The following MTHFD2L variants were observed in gnomAD, a reference collection of about 807,000 sequenced individuals.
MTHFD2L encodes methylenetetrahydrofolate dehydrogenase (NADP+ dependent) 2 like.
In MTHFD2L, 29 loss-of-function variants were observed where a neutral mutation model predicts 34.9. The observed-to-expected ratio is 0.83, with a 90% CI of 0.62 to 1.13. The LOEUF is 1.13. Ranked by LOEUF, MTHFD2L falls within the 50% of genes most tolerant of loss-of-function variation. The pLI is 0.00. For synonymous variants in MTHFD2L, 167 were observed against 155.7 expected, an observed-to-expected ratio of 1.07 and a Z score of -0.54; for missense variants, 481 against 446.5, an observed-to-expected ratio of 1.08 and a Z score of -0.70.
chr4:74,137,608 G>A (rs114957689), intron 1 of MTHFD2L, among the ~76,000 whole-genome samples: 3,686 of 152,166 alleles, frequency 0.024, 53 homozygotes, highest in Middle Eastern at 0.058. Context: ...TTTCACTACT[G>A]GGTATATACA....
At chr4:74,175,005 C>CTAA (rs1667889272) in intron 2 of MTHFD2L, among the ~76,000 whole-genome samples, 1 of 152,120 alleles carries the variant, frequency 6.6e-6, no homozygotes, top group Non-Finnish European at 1.5e-5. Flanking sequence ...TAAACTTGGC[C>CTAA]TAATAGTTGC....
chr4:74,267,915 G>A, intron 6 of MTHFD2L: 1 of 985,294 alleles, frequency 1.0e-6, no homozygotes, highest in South Asian at 4.7e-5. Context: ...AGCCCTACTG[G>A]CCCTGAGCTC....
chr4:74,283,367 A>G (rs1241504573), intron 7 of MTHFD2L, among the ~76,000 whole-genome samples: 2 of 152,146 alleles, frequency 1.3e-5, no homozygotes, highest in Non-Finnish European at 2.9e-5. Context: ...TTAGTAGCAC[A>G]TATACTCACT....
At chr4:74,125,074 A>T (rs891986426), upstream of MTHFD2L, among the ~76,000 whole-genome samples, 2 of 152,172 alleles carry the variant, frequency 1.3e-5, no homozygotes. Context: ...TCTAAAACAC[A>T]TTGTGGGGAG....
intron 1 of MTHFD2L, among the ~76,000 whole-genome samples, chr4:74,172,354 A>C (rs927710770): frequency 2.0e-5 from 3 of 152,226 alleles, no homozygotes; most frequent in African/African-American, 7.2e-5. Flanking sequence ...ATTATACTGA[A>C]TAAATCTTTT....
intron 1 of MTHFD2L, among the ~76,000 whole-genome samples, chr4:74,171,118 TAAAGTA>T (rs1727878955): frequency 6.6e-6 from 1 of 151,782 alleles, no homozygotes; most frequent in Non-Finnish European, 1.5e-5. Context: ...CCCTAAAACT[TAAAGTA>T]TAATAATAAT....
intron 6 of MTHFD2L, among the ~76,000 whole-genome samples, chr4:74,246,700 C>T (rs555362479): frequency 2.2e-4 from 33 of 152,100 alleles, no homozygotes; most frequent in African/African-American, 6.7e-4. Flanking sequence ...TACATATGGC[C>T]AGCCAGTTTT....
intron 6 of MTHFD2L, among the ~76,000 whole-genome samples, chr4:74,262,948 G>A (rs1374347778): frequency 6.6e-6 from 1 of 151,856 alleles, no homozygotes; most frequent in East Asian, 1.9e-4. Context: ...ATAATTGAAA[G>A]CAGCTAAAAC....
chr4:74,243,391 G>A (rs1162099724), intron 6 of MTHFD2L, among the ~76,000 whole-genome samples: 1 of 152,110 alleles, frequency 6.6e-6, no homozygotes, highest in African/African-American at 2.4e-5. Context: ...GCTAAATGGG[G>A]TGGGATTGTT....
At chr4:74,231,781 A>C (rs1371841316) in intron 6 of MTHFD2L, among the ~76,000 whole-genome samples, 1 of 152,198 alleles carries the variant, frequency 6.6e-6, no homozygotes, top group African/African-American at 2.4e-5. Context: ...AGCGATGTCT[A>C]CTTTATATTT....
chr4:74,211,871 T>C (rs954761719), intron 5 of MTHFD2L, among the ~76,000 whole-genome samples: 1 of 152,150 alleles, frequency 6.6e-6, no homozygotes, highest in African/African-American at 2.4e-5. Context: ...GAACTTGTTA[T>C]TGGTCTATTG....
At chr4:74,149,307 GT>G (rs1487030567) in intron 1 of MTHFD2L, among the ~76,000 whole-genome samples, 1 of 151,756 alleles carries the variant, frequency 6.6e-6, no homozygotes, top group East Asian at 1.9e-4. Flanking sequence ...TACCTACAGT[GT>G]TTTCTGTTTC....
At chr4:74,263,750 A>T (rs1232662038) in intron 6 of MTHFD2L, among the ~76,000 whole-genome samples, 5 of 151,980 alleles carry the variant, frequency 3.3e-5, no homozygotes, top group Non-Finnish European at 1.5e-5. Flanking sequence ...GGTTTTCTAA[A>T]TATAGGATCA....
intron 5 of MTHFD2L, among the ~76,000 whole-genome samples, chr4:74,210,754 T>C (rs1397861597): frequency 2.6e-5 from 4 of 152,202 alleles, no homozygotes; most frequent in African/African-American, 7.2e-5. Context: ...GGGGATAGCA[T>C]TGACTCTTTA....
intron 6 of MTHFD2L, among the ~76,000 whole-genome samples, chr4:74,271,416 A>G (rs1745965588): frequency 6.6e-6 from 1 of 152,238 alleles, no homozygotes; most frequent in Admixed American, 6.5e-5. Context: ...AGCACCATTT[A>G]TTAAATAGGG....
At chr4:74,158,396 G>A (rs1236485890) in intron 1 of MTHFD2L, 115 bp downstream of exon 1, 10 of 827,964 alleles carry the variant, frequency 1.2e-5, no homozygotes, top group Non-Finnish European at 1.5e-5. Flanking sequence ...CGCGGCGGCG[G>A]GCTGGGTCGA....
At chr4:74,163,612 T>G (rs557053271) in intron 1 of MTHFD2L, among the ~76,000 whole-genome samples, 5 of 152,286 alleles carry the variant, frequency 3.3e-5, no homozygotes, top group Non-Finnish European at 7.4e-5. Context: ...ATGAAACAAA[T>G]TTTTTTAAAG....
intron 1 of MTHFD2L, among the ~76,000 whole-genome samples, chr4:74,150,747 A>T (rs1214203029): frequency 1.3e-5 from 2 of 152,170 alleles, no homozygotes; most frequent in Non-Finnish European, 2.9e-5. Flanking sequence ...AAAAAGATAC[A>T]GGTATACATG....
chr4:74,264,968 C>T (rs1343956022), intron 6 of MTHFD2L, among the ~76,000 whole-genome samples: 1 of 152,076 alleles, frequency 6.6e-6, no homozygotes, highest in African/African-American at 2.4e-5. Flanking sequence ...TATTGGAAAA[C>T]AAATTCACTG....
Sources: allele counts gnomAD v4.1 joint callset (sites outside exome capture counted in the v4.1 genomes callset), GRCh38; gene constraint gnomAD v4.1.1; transcripts MANE v1.5; gene names NCBI Gene and HGNC (gene_info 2026-07-23, HGNC 2026-07-21).